Variants in MYO10 observed in about 807,000 individuals in gnomAD.
The protein encoded by MYO10 is unconventional myosin-X.
In MYO10, 133 loss-of-function variants were observed where a neutral mutation model predicts 257.3. That is an observed-to-expected ratio of 0.52 (90% confidence interval 0.45 to 0.60). The LOEUF is 0.60. Ranked by LOEUF, MYO10 falls within the 20% of genes least tolerant of loss-of-function variation. MYO10 has a pLI of 0.00. For missense variants in MYO10, 2,399 were observed against 2,635.7 expected, an observed-to-expected ratio of 0.91 and a Z score of 1.97; for synonymous variants, 1,104 against 1,028.6, an observed-to-expected ratio of 1.07 and a Z score of -1.40.
chr5:16,915,912 G>A (rs148018250), intron 1 of MYO10: 4 of 392,968 alleles, frequency 1.0e-5, no homozygotes, highest in South Asian at 7.6e-5. Flanking sequence ...AGCTGAAATT[G>A]CGCCACTGCA....
intron 19 of MYO10, among the ~76,000 whole-genome samples, chr5:16,721,544 A>G (rs1739152897): frequency 6.6e-6 from 1 of 152,140 alleles, no homozygotes. Flanking sequence ...TTTCCCCTAG[A>G]GAAGAGGCAA....
chr5:16,888,059 T>G (rs1744941954), intron 1 of MYO10, among the ~76,000 whole-genome samples: 1 of 152,220 alleles, frequency 6.6e-6, no homozygotes, highest in Admixed American at 6.5e-5. Flanking sequence ...AAAGTGGACC[T>G]AAAGAATCAG....
intron 18 of MYO10, among the ~76,000 whole-genome samples, chr5:16,757,479 A>G (rs1365725364): frequency 2.0e-5 from 3 of 152,142 alleles, no homozygotes; most frequent in Non-Finnish European, 2.9e-5. Flanking sequence ...AGGGGGAAAA[A>G]ACATCCAGAT....
intron 19 of MYO10, among the ~76,000 whole-genome samples, chr5:16,732,457 A>G (rs999730362): frequency 1.4e-4 from 21 of 152,178 alleles, no homozygotes; most frequent in African/African-American, 4.6e-4. Context: ...ATCTCACTCT[A>G]TTCATCTGTG....
rs60949830 is a variant in MYO10 at position 16,923,663 on chromosome 5, T to TACACACACAC, written c.21+12115_21+12124dup. On this transcript the variant is annotated intron_variant, in intron 1 of 40. Transcript: ENST00000513610. ...AAATAATAAGCCTTAAACACGCCCATACACACACACACACACACACACACA... is the reference window on the plus strand; with the variant it reads ...AAATAATAAGCCTTAAACACGCCCATACACACACACACACACACACACACACACACACACA... Among the ~76,000 whole-genome samples the TACACACACAC allele has an allele frequency of 5.9e-3, 836 of 140,712 alleles. 9 individuals carry two copies. The highest frequency in any genetic ancestry group is 0.02 in the African/African-American group (778 of 37,990). The allele number at this position is 140,712 out of a possible 152,430, so 92.3% of individuals were successfully genotyped here. A position where few individuals can be genotyped will look rare whatever the true frequency, so the allele number is the denominator to read the frequency against.
At chr5:16,776,578 C>T (rs1741219439) in intron 9 of MYO10, among the ~76,000 whole-genome samples, 1 of 152,130 alleles carries the variant, frequency 6.6e-6, no homozygotes, top group Non-Finnish European at 1.5e-5. Flanking sequence ...ATTTCTCTTC[C>T]TTTCTAGGTG....
intron 28 of MYO10, among the ~76,000 whole-genome samples, chr5:16,686,882 C>T (rs918698162): frequency 3.9e-5 from 6 of 152,116 alleles, no homozygotes; most frequent in African/African-American, 1.4e-4. Flanking sequence ...CATCTAACAG[C>T]ATTTCTACTC....
chr5:16,761,404 A>C, intron 17 of MYO10, 60 bp downstream of exon 17: 1 of 1,317,682 alleles, frequency 7.6e-7, no homozygotes, highest in Non-Finnish European at 1.1e-6. Context: ...GTGAATTAAA[A>C]GCATTTGCAC....
chr5:16,793,110 C>T (rs778039988), intron 4 of MYO10, among the ~76,000 whole-genome samples: 3 of 152,048 alleles, frequency 2.0e-5, no homozygotes, highest in Non-Finnish European at 2.9e-5. Flanking sequence ...TGAACTCCTG[C>T]GAGGAGAAAT....
chr5:16,836,503 T>C (rs1215168666), intron 2 of MYO10, among the ~76,000 whole-genome samples: 2 of 152,190 alleles, frequency 1.3e-5, no homozygotes, highest in Non-Finnish European at 2.9e-5. Context: ...ACTACACATG[T>C]GCCCAAGAAG....
chr5:16,924,660 G>C (rs1270217610), intron 1 of MYO10, among the ~76,000 whole-genome samples: 1 of 151,982 alleles, frequency 6.6e-6, no homozygotes, highest in East Asian at 1.9e-4. Flanking sequence ...AGGAAGAATG[G>C]GCAGACTACT....
intron 2 of MYO10, among the ~76,000 whole-genome samples, chr5:16,857,784 C>G (rs1421642572): frequency 6.6e-6 from 1 of 152,204 alleles, no homozygotes; most frequent in Non-Finnish European, 1.5e-5. Flanking sequence ...CAGACTCATC[C>G]TGGCTGGTCG....
Position 16,670,843 on chromosome 5 carries a change from A to C in MYO10, c.5566T>G (p.Ser1856Ala). 6.2e-7 allele frequency: 1 copy of C among 1,613,974 alleles called. No individual in the cohort carries two copies. Among genetic ancestry groups the C allele is most frequent in the Non-Finnish European group, 8.5e-7 (1 of 1,179,886 alleles). ...ATGCGGGCCTTGAGTCTCTGCAGGGAATAAACCTCTTCGAGAGGTGGGATG... is the reference window on the plus strand; with the variant it reads ...ATGCGGGCCTTGAGTCTCTGCAGGGCATAAACCTCTTCGAGAGGTGGGATG... ...AAIPPLEEVY[S>A]LQRLKARISQ... Residue 1856 changes from serine to alanine, a missense_variant, in exon 39 of 41, where the codon TCC becomes GCC. Ser to Ala is a moderately conservative substitution (Grantham distance 99, BLOSUM62 1). This residue lies in a region of MYO10 where 1,820 missense variants were observed against 1,939.4 expected (regional missense o/e 0.94). Coordinates refer to ENST00000513610, the MANE Select transcript of MYO10 (RefSeq NM_012334.3).
In MYO10 at chr5:16,664,508, C is replaced by T. The variant is rs1208356523; in HGVS notation, c.*2184G>A. On this transcript the variant is annotated 3_prime_UTR_variant, in exon 41 of 41. Transcript: ENST00000513610. ...GGCAGCACCTGGCTTCAGGTTCCAT[C>T]CCAATCCCTGCAGAATGGGAAGAAG... The T allele has an allele frequency of 6.6e-6, 1 of 152,236 alleles. No individual in the cohort carries two copies. Among genetic ancestry groups the T allele is most frequent in the Non-Finnish European group, 1.5e-5 (1 of 68,068 alleles). The allele number at this position is 152,236 out of a possible 1,614,324, so 9.4% of individuals were successfully genotyped here. A position where few individuals can be genotyped will look rare whatever the true frequency, so the allele number is the denominator to read the frequency against.
Position 16,936,006 on chromosome 5 carries a change from C to T in MYO10, c.-198G>A, listed in dbSNP as rs1746431834. 3.7e-5 allele frequency: 23 copies of T among 624,364 alleles called. No homozygotes were observed. The South Asian group carries it at 4.3e-4, about 12-fold the overall frequency. The allele number at this position is 624,364 out of a possible 1,614,324, so 38.7% of individuals were successfully genotyped here. ...GCCCAAACCCAAGTCCCTAACTCGC[C>T]CGTCCCGACGGCAGCCTTTGTCTCT... is the stretch of plus-strand genomic sequence containing the variant. On this transcript the variant is annotated 5_prime_UTR_variant, in exon 1 of 41. Transcript: ENST00000513610.
chr5:16,741,103 A>G (rs1426041024), intron 19 of MYO10, among the ~76,000 whole-genome samples: 1 of 152,168 alleles, frequency 6.6e-6, no homozygotes, highest in East Asian at 1.9e-4. Context: ...ACTGAACACC[A>G]TTCCTCCATC....
At chr5:16,784,585 A>G (rs1741518360) in intron 4 of MYO10, among the ~76,000 whole-genome samples, 1 of 152,202 alleles carries the variant, frequency 6.6e-6, no homozygotes, top group Non-Finnish European at 1.5e-5. Context: ...AGAAGTAGCA[A>G]AGAGGCTGGA....
chr5:16,747,918 CAAAAAAAAAAAAA>C (rs777257950), intron 19 of MYO10, among the ~76,000 whole-genome samples: 23 of 30,540 alleles, frequency 7.5e-4, no homozygotes, highest in East Asian at 4.5e-3. Flanking sequence ...AACTCCGTCT[CAAAAAAAAAAAAA>C]AAAAAAAAAA....
intron 2 of MYO10, among the ~76,000 whole-genome samples, chr5:16,822,933 C>G (rs1211791618): frequency 6.6e-6 from 1 of 151,670 alleles, no homozygotes; most frequent in Non-Finnish European, 1.5e-5. Flanking sequence ...GTGATCCGCC[C>G]GCCTCGGCCT....
Sources: gnomAD v4.1 joint callset for allele counts (sites outside exome capture counted in the v4.1 genomes callset) on GRCh38, gnomAD v4.1.1 for gene constraint, gnomAD v4.1.1 regional missense constraint, MANE v1.5 for transcripts, NCBI Gene and HGNC (gene_info 2026-07-23, HGNC 2026-07-21) for gene names.